SYNDIG1: variants seen among roughly 807,000 people sequenced by gnomAD.
The protein encoded by SYNDIG1 is synapse differentiation-inducing gene protein 1.
A neutral mutation model predicts 19.4 loss-of-function variants in SYNDIG1; 9 were observed. The ratio of observed to expected loss-of-function variants is 0.46; its 90% CI spans 0.28 to 0.81. The LOEUF (loss-of-function observed/expected upper bound fraction) is 0.81, where lower values mean the gene tolerates loss of function less well. SYNDIG1 is among the 30% of genes least tolerant of loss of function. The probability of loss-of-function intolerance (pLI) is 0.12; values close to 1 mark genes in which losing one functional copy is unlikely to be tolerated. For missense variants in SYNDIG1, 311 were observed against 343.3 expected, an observed-to-expected ratio of 0.91 and a Z score of 0.74; for synonymous variants, 141 against 145.9, an observed-to-expected ratio of 0.97 and a Z score of 0.24.
At chr20:24,620,833 A>G (rs540087171) in intron 3 of SYNDIG1, among the ~76,000 whole-genome samples, 1 of 152,228 alleles carries the variant, frequency 6.6e-6, no homozygotes, top group Non-Finnish European at 1.5e-5. Context: ...TAAATACTTT[A>G]TTCAAATCAA....
chr20:24,536,073 C>T (rs2057355845), intron 1 of SYNDIG1, among the ~76,000 whole-genome samples: 1 of 152,178 alleles, frequency 6.6e-6, no homozygotes, highest in Admixed American at 6.5e-5. Flanking sequence ...GATGCATCAT[C>T]AGAACTGCAA....
intron 1 of SYNDIG1, among the ~76,000 whole-genome samples, chr20:24,514,325 C>A (rs1007115615): frequency 1.3e-5 from 2 of 152,144 alleles, no homozygotes; most frequent in Non-Finnish European, 1.5e-5. Context: ...AAGACATAAA[C>A]TGGCAAATTG....
intron 1 of SYNDIG1, among the ~76,000 whole-genome samples, chr20:24,529,164 T>C (rs2057188961): frequency 6.6e-6 from 1 of 152,220 alleles, no homozygotes; most frequent in African/African-American, 2.4e-5. Flanking sequence ...TTCACAATCT[T>C]ATCAGTTAAA....
At chr20:24,641,807 C>T (rs1202956515) in intron 3 of SYNDIG1, among the ~76,000 whole-genome samples, 1 of 152,160 alleles carries the variant, frequency 6.6e-6, no homozygotes, top group Non-Finnish European at 1.5e-5. Context: ...TCCCATGCCA[C>T]GCCCTGATGT....
chr20:24,491,954 G>T (rs1600420981), intron 1 of SYNDIG1, among the ~76,000 whole-genome samples: 1 of 152,208 alleles, frequency 6.6e-6, no homozygotes, highest in Non-Finnish European at 1.5e-5. Flanking sequence ...AAAAATACAA[G>T]AACAAGAAAT....
chr20:24,641,129 G>A (rs1405916216), intron 3 of SYNDIG1, among the ~76,000 whole-genome samples: 9 of 152,216 alleles, frequency 5.9e-5, no homozygotes, highest in Admixed American at 5.9e-4. Flanking sequence ...AGAGTTAGAA[G>A]CTGTTACTCA....
At chr20:24,502,135 C>G (rs951169183) in intron 1 of SYNDIG1, 1 of 152,596 alleles carries the variant, frequency 6.6e-6, no homozygotes, top group Non-Finnish European at 1.5e-5. Flanking sequence ...CTGGCTTAAC[C>G]ACACATACCC....
intron 3 of SYNDIG1, among the ~76,000 whole-genome samples, chr20:24,591,079 CGT>C (rs55725848): frequency 0.043 from 6,421 of 149,018 alleles, 247 homozygotes; most frequent in African/African-American, 0.11. Flanking sequence ...TTTACACCTT[CGT>C]GTGTGTGTGT....
At chr20:24,617,500 C>T (rs1055829833) in intron 3 of SYNDIG1, among the ~76,000 whole-genome samples, 3 of 152,220 alleles carry the variant, frequency 2.0e-5, no homozygotes, top group Non-Finnish European at 4.4e-5. Flanking sequence ...CTTTAATGAG[C>T]TTCTAGACAC....
intron 1 of SYNDIG1, among the ~76,000 whole-genome samples, chr20:24,470,655 C>A (rs76886441): frequency 0.03 from 4,498 of 152,260 alleles, 215 homozygotes; most frequent in African/African-American, 0.1. Context: ...TCCCTATGCG[C>A]TTTTTGCAAG....
intron 2 of SYNDIG1, among the ~76,000 whole-genome samples, chr20:24,557,286 A>C (rs952487785): frequency 6.6e-6 from 1 of 152,132 alleles, no homozygotes; most frequent in African/African-American, 2.4e-5. Flanking sequence ...TGATCATCTG[A>C]AGCCTTCTTC....
At chr20:24,495,739 A>G (rs1470044731) in intron 1 of SYNDIG1, 1 of 152,246 alleles carries the variant, frequency 6.6e-6, no homozygotes, top group Non-Finnish European at 1.5e-5. Context: ...CGGTACTCAC[A>G]TGGGATCACA....
intron 1 of SYNDIG1, among the ~76,000 whole-genome samples, chr20:24,542,334 T>G (rs901512187): frequency 1.3e-5 from 2 of 152,246 alleles, no homozygotes; most frequent in African/African-American, 4.8e-5. Flanking sequence ...TCAGCTTTAA[T>G]GTGCAGACTC....
chr20:24,662,840 CT>C (rs1320929832), intron 3 of SYNDIG1, among the ~76,000 whole-genome samples: 3 of 152,332 alleles, frequency 2.0e-5, no homozygotes, highest in Non-Finnish European at 4.4e-5. Context: ...TCTTGACAAA[CT>C]TTTTTGCACC....
At chr20:24,561,027 A>T (rs1384671073) in intron 2 of SYNDIG1, among the ~76,000 whole-genome samples, 1 of 151,630 alleles carries the variant, frequency 6.6e-6, no homozygotes, top group Middle Eastern at 3.4e-3. Context: ...TTTTATTGCT[A>T]AGCCTGACCT....
In SYNDIG1 at chr20:24,521,162, GCTGA is replaced by G. The variant is rs369634414; in HGVS notation, c.-78-21855_-78-21852del. Among the ~76,000 whole-genome samples, 492 of 152,274 alleles carry G rather than the reference GCTGA, an allele frequency of 3.2e-3. 4 individuals are homozygous for G. Among genetic ancestry groups the G allele is most frequent in the African/African-American group, 0.011 (451 of 41,534 alleles). ...GAGGAAAATTTGCTTCATTTTGAAG[GCTGA>G]CTAATAATTCAGGGTAGCATATGCC... On this transcript the variant is annotated intron_variant, in intron 1 of 3. Coordinates refer to ENST00000376862, the MANE Select transcript of SYNDIG1 (RefSeq NM_024893.3).
intron 3 of SYNDIG1, among the ~76,000 whole-genome samples, chr20:24,610,951 C>A (rs1218797937): frequency 6.6e-6 from 1 of 152,300 alleles, no homozygotes; most frequent in African/African-American, 2.4e-5. Context: ...GAACTGGCAT[C>A]TTATTTCCTT....
chr20:24,578,970 G>A (rs6138331), intron 2 of SYNDIG1, among the ~76,000 whole-genome samples: 59,370 of 152,106 alleles, frequency 0.39, 11,835 homozygotes, highest in Middle Eastern at 0.51. Flanking sequence ...GAGAGTGGCC[G>A]GCACGCAGGC....
chr20:24,567,390 C>T (rs1474493330), intron 2 of SYNDIG1, among the ~76,000 whole-genome samples: 1 of 152,118 alleles, frequency 6.6e-6, no homozygotes, highest in African/African-American at 2.4e-5. Flanking sequence ...AAGGATGGCC[C>T]ATCCAGTGAA....
Sources: allele counts gnomAD v4.1 joint callset (sites outside exome capture counted in the v4.1 genomes callset), GRCh38; gene constraint gnomAD v4.1.1; transcripts MANE v1.5; gene names NCBI Gene and HGNC (gene_info 2026-07-23, HGNC 2026-07-21).